Variants in RASA2 observed in about 807,000 individuals in gnomAD.
The protein encoded by RASA2 is ras GTPase-activating protein 2.
RASA2 carries 155 observed loss-of-function variants against 118.2 expected under a neutral mutation model. The ratio of observed to expected loss-of-function variants is 1.31; its 90% CI spans 1.15 to 1.50. RASA2 has a LOEUF of 1.50. Among genes scored for constraint, RASA2 ranks in the 40% most tolerant of loss-of-function variants. RASA2 has a pLI of 0.00. For missense variants in RASA2, 1,016 were observed against 1,009.6 expected, an observed-to-expected ratio of 1.01 and a Z score of -0.09; for synonymous variants, 353 against 349.1, an observed-to-expected ratio of 1.01 and a Z score of -0.12.
At chr3:141,513,792 T>C (rs563691378) in intron 2 of RASA2, among the ~76,000 whole-genome samples, 1 of 152,354 alleles carries the variant, frequency 6.6e-6, no homozygotes, top group East Asian at 1.9e-4. Flanking sequence ...AGCTTCTCAT[T>C]TAGTTATGAC....
chr3:141,531,361 A>G (rs1036075741), intron 4 of RASA2, among the ~76,000 whole-genome samples: 3 of 151,850 alleles, frequency 2.0e-5, no homozygotes, highest in Admixed American at 1.3e-4. Flanking sequence ...TGTAGATGGT[A>G]CTAAAGATTA....
chr3:141,516,333 T>G lies in RASA2; in HGVS notation c.257T>G (p.Phe86Cys). The stretch of plus-strand genomic sequence containing the variant: ...AGCTTTCCTTTTCTTTCTAGCCCAT[T>G]TTTCAGTGAAGAATTTTACTTTGAG... ...TQVVEKSLSP[F>C]FSEEFYFEIP... Residue 86 changes from phenylalanine (F) to cysteine (C), a missense_variant, in exon 3 of 24, where the codon TTT becomes TGT. Physicochemically the swap from Phe to Cys is radical, Grantham distance 205. This residue lies in a region of RASA2 where 896 missense variants were observed against 836.4 expected (regional missense o/e 1.07). Transcript: ENST00000286364. The G allele has an allele frequency of 6.4e-7, 1 of 1,556,306 alleles. No individual in the cohort carries two copies. Among genetic ancestry groups the G allele is most frequent in the Non-Finnish European group, 8.7e-7 (1 of 1,154,060 alleles).
chr3:141,490,219 C>T (rs2081623580), intron 1 of RASA2, among the ~76,000 whole-genome samples: 1 of 150,876 alleles, frequency 6.6e-6, no homozygotes, highest in Non-Finnish European at 1.5e-5. Flanking sequence ...CATATGAACC[C>T]TTGATAAAGG....
intron 19 of RASA2, among the ~76,000 whole-genome samples, chr3:141,604,159 T>C (rs1178389974): frequency 2.0e-5 from 3 of 152,234 alleles, no homozygotes; most frequent in Admixed American, 6.5e-5. Flanking sequence ...ATGACAACTT[T>C]AAAACCTGAT....
At chr3:141,529,250 A>G (rs547850119) in intron 3 of RASA2, among the ~76,000 whole-genome samples, 2 of 152,200 alleles carry the variant, frequency 1.3e-5, no homozygotes, top group East Asian at 3.9e-4. Context: ...ATGATGTATG[A>G]TATTGTTTTT....
At chr3:141,575,858 A>T (rs565777127) in intron 14 of RASA2, among the ~76,000 whole-genome samples, 17 of 152,252 alleles carry the variant, frequency 1.1e-4, no homozygotes, top group Non-Finnish European at 1.8e-4. Flanking sequence ...GCAATGGCAC[A>T]ATCTCGGCTC....
At position 141,571,502 on chromosome 3, in the gene RASA2, A is replaced by G; in HGVS notation, c.1117A>G (p.Lys373Glu). ...PLVRLLLHHD[K>E]LVPFATAVAE... The stretch of plus-strand genomic sequence containing the variant: ...TGTACGACTGCTGCTGCACCATGAT[A>G]AACTTGTTCCTTTTGCCACTGCTGT... Residue 373 changes from lysine to glutamate, a missense_variant, in exon 11 of 24, where the codon AAA becomes GAA. Physicochemically the swap from Lys to Glu is moderately conservative, Grantham distance 56 (BLOSUM62 1). This residue lies in a region of RASA2 where 896 missense variants were observed against 836.4 expected (regional missense o/e 1.07). Coordinates refer to ENST00000286364, the MANE Select transcript of RASA2 (RefSeq NM_006506.5). 1 of 1,613,074 alleles carries G rather than the reference A, an allele frequency of 6.2e-7. No homozygotes were observed. Among genetic ancestry groups the G allele is most frequent in the Non-Finnish European group, 8.5e-7 (1 of 1,179,434 alleles).
intron 9 of RASA2, among the ~76,000 whole-genome samples, chr3:141,567,497 A>G (rs1489948531): frequency 1.3e-5 from 2 of 152,212 alleles, no homozygotes; most frequent in African/African-American, 4.8e-5. Flanking sequence ...GTATAGGGGA[A>G]ATATTGACAA....
chr3:141,496,513 C>G (rs1309806717), intron 1 of RASA2, among the ~76,000 whole-genome samples: 1 of 152,170 alleles, frequency 6.6e-6, no homozygotes, highest in Non-Finnish European at 1.5e-5. Context: ...AGGATATGAA[C>G]AGACACTTCT....
At chr3:141,527,572 G>A (rs2082202353) in intron 3 of RASA2, among the ~76,000 whole-genome samples, 1 of 152,022 alleles carries the variant, frequency 6.6e-6, no homozygotes, top group Non-Finnish European at 1.5e-5. Flanking sequence ...TATGTCTGGT[G>A]TGGAATCTGT....
At chr3:141,609,178 G>A (rs911431280) in intron 21 of RASA2, among the ~76,000 whole-genome samples, 3 of 152,116 alleles carry the variant, frequency 2.0e-5, no homozygotes, top group Admixed American at 2.0e-4. Context: ...ATTGTTTTGT[G>A]ATGAAGCATA....
intron 1 of RASA2, among the ~76,000 whole-genome samples, chr3:141,509,911 T>C (rs1038217632): frequency 6.6e-6 from 1 of 152,210 alleles, no homozygotes; most frequent in African/African-American, 2.4e-5. Context: ...AAGGTGAGAT[T>C]CCTCAATTCT....
intron 19 of RASA2, among the ~76,000 whole-genome samples, chr3:141,594,341 GAA>G (rs767746387): frequency 1.3e-5 from 2 of 148,278 alleles, no homozygotes; most frequent in African/African-American, 2.5e-5. Flanking sequence ...GGAGAGTAGA[GAA>G]AGAATTGGAC....
At chr3:141,554,765 C>T (rs573820467) in intron 6 of RASA2, among the ~76,000 whole-genome samples, 5 of 152,022 alleles carry the variant, frequency 3.3e-5, no homozygotes, top group Non-Finnish European at 7.3e-5. Context: ...AGTACCATGC[C>T]GGTATTTATT....
At chr3:141,567,290 C>T (rs1325131692) in intron 9 of RASA2, among the ~76,000 whole-genome samples, 3 of 151,750 alleles carry the variant, frequency 2.0e-5, no homozygotes, top group Non-Finnish European at 4.4e-5. Flanking sequence ...GTGGCCCGCG[C>T]CTGTAGTCCC....
chr3:141,510,112 G>C (rs988739814), intron 1 of RASA2, among the ~76,000 whole-genome samples: 1 of 152,074 alleles, frequency 6.6e-6, no homozygotes, highest in Admixed American at 6.5e-5. Flanking sequence ...AAATATATTG[G>C]TTTAAATGGC....
At chr3:141,548,051 A>G (rs1325229340) in intron 5 of RASA2, among the ~76,000 whole-genome samples, 1 of 152,164 alleles carries the variant, frequency 6.6e-6, no homozygotes, top group Non-Finnish European at 1.5e-5. Context: ...GTCATGATGA[A>G]TGATCTTTTT....
intron 5 of RASA2, among the ~76,000 whole-genome samples, chr3:141,546,655 T>G (rs2082490707): frequency 6.6e-6 from 1 of 152,224 alleles, no homozygotes; most frequent in Admixed American, 6.5e-5. Context: ...TTCACTTTGT[T>G]GATCCTTCCT....
rs1458307607 is a variant in RASA2, at chr3:141,555,665, CTTTGA to C, written c.612-169_612-165del. On this transcript the variant is annotated intron_variant, in intron 6 of 23. Transcript: ENST00000286364. ...AGGGGATGCCTAAAGCTTATATATT[CTTTGA>C]TTTGAGTTTATAAGGACAGTTACTT... 2.0e-5 allele frequency among the ~76,000 whole-genome samples: 3 copies of C among 151,692 alleles called. No individual in the cohort carries two copies. The East Asian group carries it at 5.8e-4, about 29-fold the overall frequency.
Sources: allele counts gnomAD v4.1 joint callset (sites outside exome capture counted in the v4.1 genomes callset), GRCh38; gene constraint gnomAD v4.1.1; regional missense constraint gnomAD v4.1.1; transcripts MANE v1.5; gene names NCBI Gene and HGNC (gene_info 2026-07-23, HGNC 2026-07-21).